Variants in RNLS observed in about 807,000 individuals in gnomAD.
RNLS encodes renalase, FAD dependent amine oxidase.
In RNLS, 39 loss-of-function variants were observed where a neutral mutation model predicts 39.8. That is an observed-to-expected ratio of 0.98 (90% CI 0.76 to 1.28). The LOEUF (loss-of-function observed/expected upper bound fraction) is 1.28. Among genes scored for constraint, RNLS ranks in the 50% most tolerant of loss-of-function variants. RNLS has a pLI of 0.00. For missense variants in RNLS, 410 were observed against 413.3 expected, an observed-to-expected ratio of 0.99 and a Z score of 0.07; for synonymous variants, 147 against 150.7, an observed-to-expected ratio of 0.98 and a Z score of 0.18.
intron 6 of RNLS, among the ~76,000 whole-genome samples, chr10:88,311,016 C>G (rs890508153): frequency 3.3e-5 from 5 of 151,950 alleles, no homozygotes; most frequent in African/African-American, 1.2e-4. Flanking sequence ...CCCTAAGTTC[C>G]TCTCCTGATT....
At chr10:88,285,546 C>T in intron 6 of RNLS, 40 bp from the exon 7 acceptor site, 5 of 1,565,918 alleles carry the variant, frequency 3.2e-6, no homozygotes, top group African/African-American at 1.4e-5. Context: ...ACATTCTGTG[C>T]TCTATTGTGC....
chr10:88,381,837 T>G (rs1851522184), intron 4 of RNLS, among the ~76,000 whole-genome samples: 1 of 152,236 alleles, frequency 6.6e-6, no homozygotes, highest in African/African-American at 2.4e-5. Context: ...TGTCTGGTTT[T>G]TTTATATCCC....
chr10:88,255,222 C>A, the RNLS span, among the ~76,000 whole-genome samples: 1 of 152,198 alleles, frequency 6.6e-6, no homozygotes, highest in East Asian at 1.9e-4. Context: ...CAACTGTGCT[C>A]CTGGAACCAC....
intron 6 of RNLS, among the ~76,000 whole-genome samples, chr10:88,301,137 T>C (rs547191266): frequency 2.0e-5 from 3 of 152,280 alleles, no homozygotes; most frequent in Non-Finnish European, 2.9e-5. Flanking sequence ...CAAGAGTATA[T>C]GAGAAAAAAA....
intron 3 of RNLS, among the ~76,000 whole-genome samples, chr10:88,579,408 G>A (rs1564919243): frequency 6.6e-6 from 1 of 152,106 alleles, no homozygotes; most frequent in Non-Finnish European, 1.5e-5. Flanking sequence ...GGTTTGGGGG[G>A]AAAAGGGGTT....
chr10:88,297,734 T>A (rs1844193350), intron 6 of RNLS, among the ~76,000 whole-genome samples: 1 of 152,222 alleles, frequency 6.6e-6, no homozygotes, highest in South Asian at 2.1e-4. Flanking sequence ...GTTTATCCAT[T>A]CATTAGTTGA....
At chr10:88,297,662 A>G (rs1844188259) in intron 6 of RNLS, among the ~76,000 whole-genome samples, 1 of 152,182 alleles carries the variant, frequency 6.6e-6, no homozygotes, top group South Asian at 2.1e-4. Context: ...TATAGCATGT[A>G]TCAGTACTTC....
chr10:88,462,902 T>C (rs1000091901), intron 4 of RNLS, among the ~76,000 whole-genome samples: 6 of 152,044 alleles, frequency 3.9e-5, no homozygotes. Context: ...TTCTGTATAT[T>C]CTTAATCTCC....
At chr10:88,531,422 C>A (rs1024262163) in intron 4 of RNLS, among the ~76,000 whole-genome samples, 1 of 151,826 alleles carries the variant, frequency 6.6e-6, no homozygotes, top group African/African-American at 2.4e-5. Flanking sequence ...TTTGAAAAAC[C>A]CCCGTTAGAT....
At chr10:88,340,779 A>G (rs1847873417) in intron 5 of RNLS, among the ~76,000 whole-genome samples, 1 of 152,010 alleles carries the variant, frequency 6.6e-6, no homozygotes, top group African/African-American at 2.4e-5. Flanking sequence ...GTACAAGGAG[A>G]GGCTGGGTGC....
At chr10:88,272,485 C>T (rs1337551842), downstream of RNLS, among the ~76,000 whole-genome samples, 3 of 152,154 alleles carry the variant, frequency 2.0e-5, no homozygotes, top group African/African-American at 7.2e-5. Flanking sequence ...TCTTGGGTCC[C>T]TCTCCAGGGA....
At chr10:88,367,947 C>T (rs1850251839) in intron 4 of RNLS, among the ~76,000 whole-genome samples, 1 of 151,960 alleles carries the variant, frequency 6.6e-6, no homozygotes. Flanking sequence ...AAGTGGCCTG[C>T]CTTTTAACCC....
At chr10:88,329,766 C>A (rs1846948874) in intron 5 of RNLS, among the ~76,000 whole-genome samples, 1 of 151,872 alleles carries the variant, frequency 6.6e-6, no homozygotes, top group East Asian at 1.9e-4. Flanking sequence ...CTCCTTACAT[C>A]TGTGGTTTTT....
chr10:88,210,693 G>A, the RNLS span, among the ~76,000 whole-genome samples: 1 of 152,154 alleles, frequency 6.6e-6, no homozygotes, highest in African/African-American at 2.4e-5. Context: ...TTGGGGACTT[G>A]CATGTTTGTT....
chr10:88,563,476 T>G (rs188514281), intron 4 of RNLS, among the ~76,000 whole-genome samples: 1 of 152,286 alleles, frequency 6.6e-6, no homozygotes, highest in African/African-American at 2.4e-5. Context: ...CACATGAATA[T>G]TCACTGGCAC....
chr10:88,326,075 T>C (rs746517358), intron 5 of RNLS, among the ~76,000 whole-genome samples: 1 of 152,230 alleles, frequency 6.6e-6, no homozygotes, highest in Non-Finnish European at 1.5e-5. Context: ...CTCTTTTCTT[T>C]ATAAGTTACC....
chr10:88,172,899 C>T, the RNLS span, among the ~76,000 whole-genome samples: 1 of 115,908 alleles, frequency 8.6e-6, no homozygotes, highest in East Asian at 2.8e-4. Context: ...CTCTGTCGCC[C>T]AGGCTGGAGT....
intron 5 of RNLS, among the ~76,000 whole-genome samples, chr10:88,357,583 C>A (rs1041931725): frequency 6.6e-6 from 1 of 152,194 alleles, no homozygotes; most frequent in Non-Finnish European, 1.5e-5. Flanking sequence ...TTTTACAGAA[C>A]AATTTATACT....
the RNLS span, among the ~76,000 whole-genome samples, chr10:88,178,537 GGAATCCCTCTT>G: frequency 2.0e-5 from 3 of 152,080 alleles, no homozygotes; most frequent in East Asian, 5.8e-4. Context: ...CCTGCAGTGG[GGAATCCCTCTT>G]GACTCTGAAT....
Sources: gnomAD v4.1 joint callset for allele counts (sites outside exome capture counted in the v4.1 genomes callset) on GRCh38, gnomAD v4.1.1 for gene constraint, MANE v1.5 for transcripts, NCBI Gene and HGNC (gene_info 2026-07-23, HGNC 2026-07-21) for gene names.